Variants in ARCN1 observed in about 807,000 individuals in gnomAD.
ARCN1 encodes the protein archain 1 coat protein complex I subunit delta, also known as coatomer subunit delta.
Under a neutral mutation model 60.4 loss-of-function variants are expected in ARCN1, and 5 were observed. The ratio of observed to expected loss-of-function variants is 0.08; its 90% CI spans 0.04 to 0.17. ARCN1 has a LOEUF of 0.17. Among genes scored for constraint, ARCN1 ranks in the 10% least tolerant of loss-of-function variants. The pLI is 1.00. For synonymous variants in ARCN1, 224 were observed against 220.0 expected (o/e 1.02, Z -0.16); for missense variants, 464 against 626.5 (o/e 0.74, Z 2.77).
At chr11:118,594,595 G>A (rs1020816986) in intron 8 of ARCN1, among the ~76,000 whole-genome samples, 1 of 151,918 alleles carries the variant, frequency 6.6e-6, no homozygotes, top group African/African-American at 2.4e-5. Flanking sequence ...TGTTGCCCAG[G>A]CTGGAGTGCA....
intron 5 of ARCN1, among the ~76,000 whole-genome samples, chr11:118,590,110 C>A (rs1483617318): frequency 6.6e-6 from 1 of 152,216 alleles, no homozygotes; most frequent in African/African-American, 2.4e-5. Flanking sequence ...ATTCTCCTGC[C>A]TTAGCCTCCC....
rs1938362133 is a variant in ARCN1, at chr11:118,572,429, G to A, written c.-119G>A. 9.6e-7 allele frequency: 1 copy of A among 1,042,628 alleles called. No homozygotes were observed. Among genetic ancestry groups the A allele is most frequent in the East Asian group, 3.4e-5 (1 of 29,090 alleles). 64.6% of individuals were successfully genotyped at this position (1,042,628 alleles called of 1,614,324 possible). A position where few individuals can be genotyped will look rare whatever the true frequency, so the allele number is the denominator to read the frequency against. ...CCGCCATCTTGGCAAGAGGCGAAGC[G>A]GCAGCGGTTCCTGTCAAGGGGGCAG... is the stretch of plus-strand genomic sequence containing the variant. On this transcript the variant is annotated 5_prime_UTR_variant, in exon 1 of 10. Transcript: ENST00000264028.
At chr11:118,577,933 A>G (rs1252147021) in intron 1 of ARCN1, among the ~76,000 whole-genome samples, 2 of 152,126 alleles carry the variant, frequency 1.3e-5, no homozygotes, top group East Asian at 3.8e-4. Flanking sequence ...AGGCGCGCAG[A>G]TGACTTGAGG....
intron 1 of ARCN1, 76 bp from the exon 2 acceptor site, chr11:118,581,170 G>A: frequency 6.5e-7 from 1 of 1,550,098 alleles, no homozygotes; most frequent in Non-Finnish European, 8.8e-7. Context: ...GTCATTCTAT[G>A]GAACATTTCC....
chr11:118,601,605 T>C lies in ARCN1; in HGVS notation c.*891T>C, dbSNP rs1939150064. Reference sequence around the variant, plus strand: ...ATTTTTGGACTATTCAGGTGAACTATTTGAGGGGTATGGGGTCTAGAAGTT... The same window carrying C: ...ATTTTTGGACTATTCAGGTGAACTACTTGAGGGGTATGGGGTCTAGAAGTT... On this transcript the variant is annotated 3_prime_UTR_variant, in exon 10 of 10. Coordinates refer to ENST00000264028, the MANE Select transcript of ARCN1 (RefSeq NM_001655.5). 1.4e-6 allele frequency: 1 copy of C among 702,686 alleles called. No homozygotes were observed. 43.5% of individuals were successfully genotyped at this position (702,686 alleles called of 1,614,324 possible). A position where few individuals can be genotyped will look rare whatever the true frequency, so the allele number is the denominator to read the frequency against.
At chr11:118,596,102 T>C (rs1939020755) in intron 8 of ARCN1, among the ~76,000 whole-genome samples, 1 of 152,220 alleles carries the variant, frequency 6.6e-6, no homozygotes, top group African/African-American at 2.4e-5. Context: ...ATTCATAGTT[T>C]TCTTCCCTTT....
chr11:118,592,337 G>A (rs539862996), intron 6 of ARCN1, among the ~76,000 whole-genome samples: 51 of 152,162 alleles, frequency 3.4e-4, no homozygotes, highest in African/African-American at 1.2e-3. Flanking sequence ...GTCTGACCCA[G>A]GCAGCTGATC....
At chr11:118,585,105 C>T (rs544048297) in intron 5 of ARCN1, among the ~76,000 whole-genome samples, 5 of 152,186 alleles carry the variant, frequency 3.3e-5, no homozygotes, top group African/African-American at 9.6e-5. Context: ...GGATTACAGG[C>T]GTGAGCCACC....
At chr11:118,591,799 A>G (rs1324009432) in intron 6 of ARCN1, among the ~76,000 whole-genome samples, 9 of 151,220 alleles carry the variant, frequency 6.0e-5, no homozygotes, top group Non-Finnish European at 1.0e-4. Context: ...CAGCAGCACA[A>G]CCTTGGCTCG....
intron 1 of ARCN1, among the ~76,000 whole-genome samples, chr11:118,575,110 C>G (rs1447088569): frequency 2.0e-5 from 3 of 152,144 alleles, no homozygotes; most frequent in Non-Finnish European, 4.4e-5. Flanking sequence ...TCCTGAGTAG[C>G]TGGGACTGCA....
intron 5 of ARCN1, among the ~76,000 whole-genome samples, chr11:118,589,330 A>AT (rs1938845851): frequency 6.6e-6 from 1 of 152,190 alleles, no homozygotes; most frequent in Admixed American, 6.5e-5. Context: ...TATAATTTTA[A>AT]TTTTTTTAAG....
chr11:118,585,971 T>C (rs1938769895), intron 5 of ARCN1, among the ~76,000 whole-genome samples: 1 of 152,264 alleles, frequency 6.6e-6, no homozygotes, highest in African/African-American at 2.4e-5. Context: ...CTCAGATTTC[T>C]CGTCTTGAAG....
At chr11:118,576,287 CT>C (rs1938499637) in intron 1 of ARCN1, among the ~76,000 whole-genome samples, 1 of 150,726 alleles carries the variant, frequency 6.6e-6, no homozygotes, top group Non-Finnish European at 1.5e-5. Context: ...CAAAGCTCAA[CT>C]TTATGAGGGA....
At chr11:118,586,915 G>GT (rs1938792231) in intron 5 of ARCN1, among the ~76,000 whole-genome samples, 1 of 150,672 alleles carries the variant, frequency 6.6e-6, no homozygotes, top group Admixed American at 6.6e-5. Flanking sequence ...TTGAGACACT[G>GT]TTTTTTTCTA....
Position 118,597,823 on chromosome 11 carries a change from G to A in ARCN1, c.1358G>A (p.Ser453Asn), listed in dbSNP as rs782410054. ...ATTGATGCCAAAAATAAGAGTGGCA[G>A]CCTGGAGTTTAGCATTGCTGGGCAG... ...PVIDAKNKSG[S>N]LEFSIAGQPN... is the part of the protein sequence containing the mutation. The change falls in exon 9 of 10, where the codon AGC becomes AAC. Residue 453 changes from serine to asparagine, a missense_variant. Coordinates refer to ENST00000264028, the MANE Select transcript of ARCN1 (RefSeq NM_001655.5). 7 of 1,614,194 alleles carry A rather than the reference G, an allele frequency of 4.3e-6. No homozygotes were observed. Among genetic ancestry groups the A allele is most frequent in the Non-Finnish European group, 5.9e-6 (7 of 1,180,036 alleles).
At chr11:118,578,804 A>AGGCTGAGGTGTGC (rs1938581317) in intron 1 of ARCN1, among the ~76,000 whole-genome samples, 4 of 143,280 alleles carry the variant, frequency 2.8e-5, no homozygotes, top group Non-Finnish European at 6.1e-5. Context: ...GCACTTTGGG[A>AGGCTGAGGTGTGC]GGCTGAGGTG....
rs202100993 is a variant in ARCN1, at chr11:118,601,530, CATT to C, written c.*819_*821del. 3.0e-3 allele frequency: 1,966 copies of C among 660,104 alleles called. 35 individuals are homozygous for C. In the African/African-American group the frequency reaches 0.032, roughly 11 times the overall value. The allele number at this position is 660,104 out of a possible 1,614,324, so 40.9% of individuals were successfully genotyped here. A position where few individuals can be genotyped will look rare whatever the true frequency, so the allele number is the denominator to read the frequency against. On this transcript the variant is annotated 3_prime_UTR_variant, in exon 10 of 10. Transcript: ENST00000264028. ...GGCACTGGGATCATCTGTTTACAGG[CATT>C]ATATTTATTTGGCACTCCTGGAACA...
In ARCN1 at chr11:118,601,596, G is replaced by C. The variant is rs782558159; in HGVS notation, c.*882G>C. The C allele has an allele frequency of 2.1e-5, 15 of 702,150 alleles. No homozygotes were observed. Among genetic ancestry groups the C allele is most frequent in the South Asian group, 2.1e-4 (14 of 67,508 alleles). 43.5% of individuals were successfully genotyped at this position (702,150 alleles called of 1,614,324 possible). Reference sequence around the variant, plus strand: ...CCATTCTTGATTTTTGGACTATTCAGGTGAACTATTTGAGGGGTATGGGGT... The same window carrying C: ...CCATTCTTGATTTTTGGACTATTCACGTGAACTATTTGAGGGGTATGGGGT... On this transcript the variant is annotated 3_prime_UTR_variant, in exon 10 of 10. Transcript: ENST00000264028.
rs146884077 is a variant in ARCN1, at chr11:118,579,885, G to C, written c.4-1361G>C. On this transcript the variant is annotated intron_variant, in intron 1 of 9. Transcript: ENST00000264028. ...ACTGGGGCCACTTTTTGAATCATCA[G>C]TTTGGTATTTAGCAGTTTTGAATCC... Among the ~76,000 whole-genome samples the C allele has an allele frequency of 9.2e-3, 1,398 of 152,110 alleles. 20 individuals are homozygous for C. Among genetic ancestry groups the C allele is most frequent in the African/African-American group, 0.032 (1,326 of 41,498 alleles).
Sources: allele counts gnomAD v4.1 joint callset (sites outside exome capture counted in the v4.1 genomes callset), GRCh38; gene constraint gnomAD v4.1.1; transcripts MANE v1.5; gene names NCBI Gene and HGNC (gene_info 2026-07-23, HGNC 2026-07-21).